Variants in SNW1 observed in about 807,000 individuals in gnomAD.
SNW1 encodes the protein SNW domain-containing protein 1.
A neutral mutation model predicts 75.6 loss-of-function variants in SNW1; 9 were observed. The ratio of observed to expected loss-of-function variants is 0.12; its 90% CI spans 0.07 to 0.21. The LOEUF (loss-of-function observed/expected upper bound fraction) is 0.21, where lower values mean the gene tolerates loss of function less well. Among genes scored for constraint, SNW1 ranks in the 10% least tolerant of loss-of-function variants. The probability of loss-of-function intolerance (pLI) is 1.00; values close to 1 mark genes in which losing one functional copy is unlikely to be tolerated. For missense variants in SNW1, 409 were observed against 670.9 expected, an observed-to-expected ratio of 0.61 and a Z score of 4.31; for synonymous variants, 200 against 219.1, an observed-to-expected ratio of 0.91 and a Z score of 0.77.
chr14:77,731,213 G>T, intron 9 of SNW1, 84 bp from the exon 10 acceptor site: 5 of 1,419,716 alleles, frequency 3.5e-6, no homozygotes, highest in Non-Finnish European at 4.8e-6. Context: ...ACATCTGGCT[G>T]GTAAGAGCAA....
At chr14:77,751,733 G>C (rs144450324) in intron 2 of SNW1, among the ~76,000 whole-genome samples, 1 of 151,892 alleles carries the variant, frequency 6.6e-6, no homozygotes, top group East Asian at 1.9e-4. Context: ...TTGATAGGGT[G>C]GTTGGGGACA....
chr14:77,734,162 A>G (rs1024940299), intron 8 of SNW1: 1 of 204,460 alleles, frequency 4.9e-6, no homozygotes, highest in South Asian at 7.0e-5. Context: ...CTATCCCACA[A>G]TCTACAGATT....
intron 7 of SNW1, 98 bp from the exon 8 acceptor site, chr14:77,735,110 G>T: frequency 1.3e-6 from 1 of 792,406 alleles, no homozygotes; most frequent in Non-Finnish European, 2.1e-6. Context: ...CATATACACT[G>T]ACATATGCAC....
intron 8 of SNW1, among the ~76,000 whole-genome samples, chr14:77,733,319 C>T (rs949629622): frequency 3.3e-5 from 5 of 152,172 alleles, no homozygotes; most frequent in Non-Finnish European, 5.9e-5. Flanking sequence ...AACAGTTCAA[C>T]AGTTGCTCCT....
chr14:77,761,091 G>A (rs751231694), intron 1 of SNW1, 23 bp downstream of exon 1: 15 of 1,614,098 alleles, frequency 9.3e-6, no homozygotes, highest in East Asian at 2.2e-5. Context: ...CTTCCGTATC[G>A]AGGACCCCAA....
In SNW1 at chr14:77,755,119, A is replaced by C; in HGVS notation, c.16T>G (p.Phe6Val). 1.9e-6 allele frequency: 3 copies of C among 1,610,432 alleles called. 1 individual carries two copies. In the South Asian group the frequency reaches 3.3e-5, roughly 18 times the overall value. MALTS[F>V]LPAPTQLSQD... is the part of the protein sequence containing the mutation. The stretch of plus-strand genomic sequence containing the variant: ...GATAGCTGAGTAGGTGCAGGTAAAA[A>C]GCTATAAGCAAAGATAATAAAAGTC... The change falls in exon 2 of 14, where the codon TTT becomes GTT. Residue 6 changes from phenylalanine to valine, a missense_variant and splice_region_variant. By Grantham distance (50) the Phe-to-Val change is conservative. Coordinates refer to ENST00000261531, the MANE Select transcript of SNW1 (RefSeq NM_012245.3).
chr14:77,743,558 T>A (rs1320905031), intron 3 of SNW1, among the ~76,000 whole-genome samples: 2 of 152,196 alleles, frequency 1.3e-5, no homozygotes, highest in Admixed American at 6.5e-5. Flanking sequence ...TCCAAATTCA[T>A]AAATCCAATA....
At chr14:77,757,304 T>C (rs1323621627) in intron 1 of SNW1, among the ~76,000 whole-genome samples, 1 of 152,144 alleles carries the variant, frequency 6.6e-6, no homozygotes, top group Non-Finnish European at 1.5e-5. Flanking sequence ...TATGACAGTC[T>C]ACATGAGAGG....
At chr14:77,747,089 G>A (rs1032453824) in intron 3 of SNW1, among the ~76,000 whole-genome samples, 2 of 152,110 alleles carry the variant, frequency 1.3e-5, no homozygotes, top group African/African-American at 4.8e-5. Flanking sequence ...ACTGGTTTTC[G>A]TATTTTTTTG....
chr14:77,733,410 T>A (rs116557706), intron 8 of SNW1, among the ~76,000 whole-genome samples: 117 of 152,218 alleles, frequency 7.7e-4, no homozygotes, highest in African/African-American at 2.7e-3. Flanking sequence ...TGTACTGTCT[T>A]AATGATCTGT....
chr14:77,736,169 C>T (rs551672138), intron 6 of SNW1, among the ~76,000 whole-genome samples, 163 bp from the exon 7 acceptor site: 3 of 152,286 alleles, frequency 2.0e-5, no homozygotes, highest in African/African-American at 7.2e-5. Flanking sequence ...ATGAATAAAA[C>T]ATGGCCAACT....
chr14:77,760,573 G>T (rs1227950920), intron 1 of SNW1: 1 of 685,516 alleles, frequency 1.5e-6, no homozygotes, highest in Non-Finnish European at 2.7e-6. Flanking sequence ...AAAATGCGGA[G>T]CAGTGGCGCA....
chr14:77,735,051 T>C (rs2080659741), intron 7 of SNW1, 39 bp from the exon 8 acceptor site: 1 of 1,421,792 alleles, frequency 7.0e-7, no homozygotes, highest in Non-Finnish European at 9.9e-7. Context: ...TTTAGATTTA[T>C]AGTCTACAAA....
At position 77,717,661 on chromosome 14, in the gene SNW1, C is replaced by T. The variant is rs1262986941; in HGVS notation, c.*427G>A. On this transcript the variant is annotated 3_prime_UTR_variant, in exon 14 of 14. Coordinates refer to ENST00000261531, the MANE Select transcript of SNW1 (RefSeq NM_012245.3). The stretch of plus-strand genomic sequence containing the variant: ...ACCAAGCAAGAGGTTACTTTGCCCA[C>T]TCCAAATTAAAACAGAGCACAATAG... The T allele has an allele frequency of 1.1e-5, 14 of 1,219,348 alleles. No homozygotes were observed. Among genetic ancestry groups the T allele is most frequent in the Middle Eastern group, 1.9e-4 (1 of 5,206 alleles). 75.5% of individuals were successfully genotyped at this position (1,219,348 alleles called of 1,614,324 possible).
chr14:77,734,841 A>C, intron 8 of SNW1, 106 bp downstream of exon 8: 1 of 736,808 alleles, frequency 1.4e-6, no homozygotes, highest in Non-Finnish European at 2.3e-6. Flanking sequence ...GAAAATGCTC[A>C]GTTAAACCAC....
At chr14:77,728,438 C>T (rs176977) in intron 10 of SNW1, among the ~76,000 whole-genome samples, 70,689 of 151,702 alleles carry the variant, frequency 0.47, 16,837 homozygotes, top group East Asian at 0.68. Context: ...GCAACAAGAG[C>T]GAAACTCCGT....
chr14:77,751,822 ACACACACACACACACACACACAC>A (rs1395145534), intron 2 of SNW1, among the ~76,000 whole-genome samples: 2 of 121,270 alleles, frequency 1.6e-5, no homozygotes, highest in East Asian at 2.7e-4. Flanking sequence ...ACACACACAC[ACACACACACACACACACACACAC>A]CACACACACA....
intron 3 of SNW1, among the ~76,000 whole-genome samples, chr14:77,743,501 G>A (rs770586658): frequency 2.6e-4 from 39 of 152,006 alleles, no homozygotes; most frequent in South Asian, 6.2e-4. Flanking sequence ...GAACTCCCTC[G>A]TTTCTGAAGA....
In SNW1 at chr14:77,732,502, A is replaced by G; in HGVS notation, c.874T>C (p.Tyr292His). The G allele has an allele frequency of 6.3e-7, 1 of 1,588,808 alleles. No homozygotes were observed. The highest frequency in any genetic ancestry group is 8.6e-7 in the Non-Finnish European group (1 of 1,157,176). ...AAACCAACCTTCCGATCAGCAATGT[A>G]GAGGGCTTCTGCCAATTTGGCGAAA... ...ENFAKLAEAL[Y>H]IADRKAREAV... Residue 292 changes from tyrosine to histidine, a missense_variant, in exon 9 of 14, where the codon TAC becomes CAC. Physicochemically the swap from Tyr to His is moderately conservative, Grantham distance 83. Around this residue, in one of 9 missense-constraint regions of SNW1, gnomAD observed 37 missense variants for 110.0 expected, o/e 0.34. Coordinates refer to ENST00000261531, the MANE Select transcript of SNW1 (RefSeq NM_012245.3).
Sources: allele counts gnomAD v4.1 joint callset (sites outside exome capture counted in the v4.1 genomes callset), GRCh38; gene constraint gnomAD v4.1.1; regional missense constraint gnomAD v4.1.1; transcripts MANE v1.5; gene names NCBI Gene and HGNC (gene_info 2026-07-23, HGNC 2026-07-21).